The following KLF15 variants were observed in gnomAD, a reference collection of about 807,000 sequenced individuals.
KLF15 encodes the protein KLF transcription factor 15.
In KLF15, 4 loss-of-function variants were observed where a neutral mutation model predicts 24.6. The observed-to-expected ratio is 0.16, with a 90% CI of 0.08 to 0.37. The LOEUF is 0.37. Ranked by LOEUF, KLF15 falls within the 10% of genes least tolerant of loss-of-function variation. The pLI is 1.00. For synonymous variants in KLF15, 246 were observed against 236.3 expected, an observed-to-expected ratio of 1.04 and a Z score of -0.37; for missense variants, 496 against 560.6, an observed-to-expected ratio of 0.88 and a Z score of 1.16.
chr3:126,350,579 T>A (rs567626910), intron 2 of KLF15, among the ~76,000 whole-genome samples: 3 of 152,206 alleles, frequency 2.0e-5, no homozygotes, highest in African/African-American at 7.2e-5. Context: ...CCCAGACAAC[T>A]CTCAAGAGCT....
At chr3:126,311,701 G>T in the KLF15 span, among the ~76,000 whole-genome samples, 7 of 152,216 alleles carry the variant, frequency 4.6e-5, no homozygotes, top group African/African-American at 1.7e-4. Flanking sequence ...TTCTGGGGAG[G>T]TCAGCCAGGT....
At chr3:126,311,866 CA>C in the KLF15 span, among the ~76,000 whole-genome samples, 1 of 152,356 alleles carries the variant, frequency 6.6e-6, no homozygotes, top group Admixed American at 6.5e-5. Context: ...CTGCTGCTAT[CA>C]ACTGGCTCAA....
chr3:126,341,348 C>G (rs973987263), downstream of KLF15, among the ~76,000 whole-genome samples: 1 of 152,236 alleles, frequency 6.6e-6, no homozygotes, highest in Non-Finnish European at 1.5e-5. Context: ...ACAGAAGGTG[C>G]ATATGCTCCC....
chr3:126,357,032 C>CG (rs559628336), intron 1 of KLF15, among the ~76,000 whole-genome samples: 45 of 147,048 alleles, frequency 3.1e-4, no homozygotes, highest in East Asian at 2.4e-3. Context: ...GCGACCGGGG[C>CG]GGGGGGGGTC....
rs969638344 is a variant in KLF15, at chr3:126,357,305, G to C, written c.-94C>G. ...CCTGCGGCCGGGCGGGCTGGGCTGG[G>C]GGCGGCGGCTAGACTCTCGGTCCGG... On this transcript the variant is annotated 5_prime_UTR_variant, in exon 1 of 3. Coordinates refer to ENST00000296233, the MANE Select transcript of KLF15 (RefSeq NM_014079.4). 2 of 147,564 alleles carry C rather than the reference G, an allele frequency of 1.4e-5. No individual in the cohort carries two copies. Among genetic ancestry groups the C allele is most frequent in the African/African-American group, 4.9e-5 (2 of 40,886 alleles). 9.1% of individuals were successfully genotyped at this position (147,564 alleles called of 1,614,324 possible).
chr3:126,334,336 G>A, the KLF15 span, among the ~76,000 whole-genome samples: 201 of 142,192 alleles, frequency 1.4e-3, no homozygotes, highest in African/African-American at 4.8e-3. Flanking sequence ...GGTACATAAC[G>A]AAATGAAGGC....
At chr3:126,305,984 A>G in the KLF15 span, among the ~76,000 whole-genome samples, 805 of 152,352 alleles carry the variant, frequency 5.3e-3, 5 homozygotes, top group African/African-American at 0.019. Context: ...GCTCCTGCAA[A>G]TCACTTTGAC....
At chr3:126,326,337 A>G in the KLF15 span, among the ~76,000 whole-genome samples, 2,593 of 151,204 alleles carry the variant, frequency 0.017, 85 homozygotes, top group African/African-American at 0.061. Context: ...GTTTTTTCCA[A>G]TTCTGTGAAG....
At chr3:126,321,963 C>T in the KLF15 span, among the ~76,000 whole-genome samples, 2 of 152,198 alleles carry the variant, frequency 1.3e-5, no homozygotes. Context: ...CAAGTGACAG[C>T]CCCTCCACCT....
At chr3:126,319,682 A>G in the KLF15 span, among the ~76,000 whole-genome samples, 143 of 152,288 alleles carry the variant, frequency 9.4e-4, 1 homozygote, top group African/African-American at 3.4e-3. Context: ...TTATCTGATC[A>G]CAATTAAACC....
At position 126,343,209 on chromosome 3, in the gene KLF15, T is replaced by G. The variant is rs1368753110; in HGVS notation, c.*518A>C. On this transcript the variant is annotated 3_prime_UTR_variant, in exon 3 of 3. Transcript: ENST00000296233. ...CCAGGGACCTGCCCACACCCTCTGG[T>G]GATCATGCTGAGCAGGCATCTTAGA... 1.1e-5 allele frequency: 1 copy of G among 91,132 alleles called. No individual in the cohort carries two copies. Among genetic ancestry groups the G allele is most frequent in the Non-Finnish European group, 2.1e-5 (1 of 47,180 alleles). 5.6% of individuals were successfully genotyped at this position (91,132 alleles called of 1,614,324 possible).
chr3:126,320,082 C>A, the KLF15 span, among the ~76,000 whole-genome samples: 1 of 152,086 alleles, frequency 6.6e-6, no homozygotes, highest in South Asian at 2.1e-4. Flanking sequence ...AAGGATCGCA[C>A]CTTCCTAGAG....
chr3:126,348,662 A>G (rs1054553762), intron 2 of KLF15, among the ~76,000 whole-genome samples: 8 of 152,232 alleles, frequency 5.3e-5, no homozygotes, highest in African/African-American at 1.7e-4. Flanking sequence ...CTGTCACTAC[A>G]GCCTCAAGGG....
the KLF15 span, among the ~76,000 whole-genome samples, chr3:126,301,080 G>A: frequency 2.0e-5 from 3 of 152,126 alleles, no homozygotes; most frequent in African/African-American, 4.8e-5. Flanking sequence ...GCTGTGCCCC[G>A]GTTTCCGCAT....
chr3:126,290,523 C>CCTTCCTTT, the KLF15 span, among the ~76,000 whole-genome samples: 1 of 151,604 alleles, frequency 6.6e-6, no homozygotes, highest in Non-Finnish European at 1.5e-5. Context: ...TTCCTTCCTT[C>CCTTCCTTT]CTTCCTTCCT....
chr3:126,292,134 GA>G, the KLF15 span, among the ~76,000 whole-genome samples: 2 of 152,288 alleles, frequency 1.3e-5, no homozygotes, highest in South Asian at 4.1e-4. Flanking sequence ...CACTTCCCAG[GA>G]TGTGGAGCAG....
intron 2 of KLF15, among the ~76,000 whole-genome samples, chr3:126,346,927 C>A (rs768484586): frequency 6.6e-6 from 1 of 152,220 alleles, no homozygotes; most frequent in Non-Finnish European, 1.5e-5. Flanking sequence ...GAACAAAAGA[C>A]CTATTCCTGA....
the KLF15 span, among the ~76,000 whole-genome samples, chr3:126,330,136 G>A: frequency 6.6e-6 from 1 of 152,210 alleles, no homozygotes; most frequent in African/African-American, 2.4e-5. Flanking sequence ...CTGGCCTGCT[G>A]GCCCAAGGCG....
the KLF15 span, among the ~76,000 whole-genome samples, chr3:126,296,632 A>G: frequency 6.6e-6 from 1 of 152,264 alleles, no homozygotes; most frequent in Non-Finnish European, 1.5e-5. Context: ...TGAATCTGCA[A>G]GTCCAGCCGA....
Sources: gnomAD v4.1 joint callset for allele counts (sites outside exome capture counted in the v4.1 genomes callset) on GRCh38, gnomAD v4.1.1 for gene constraint, MANE v1.5 for transcripts, NCBI Gene and HGNC (gene_info 2026-07-23, HGNC 2026-07-21) for gene names.